The following ACTR10 variants were observed in gnomAD, a reference collection of about 807,000 sequenced individuals.
ACTR10 encodes the protein actin-related protein 10.
Under a neutral mutation model 56.2 loss-of-function variants are expected in ACTR10, and 43 were observed. That is an observed-to-expected ratio of 0.77 (90% confidence interval 0.60 to 0.99). The LOEUF (loss-of-function observed/expected upper bound fraction) is 0.99. Ranked by LOEUF, ACTR10 falls within the 50% of genes least tolerant of loss-of-function variation. The pLI, the probability that ACTR10 is intolerant of heterozygous loss-of-function variation, is 0.00. For missense variants in ACTR10, 466 were observed against 507.8 expected, an observed-to-expected ratio of 0.92 and a Z score of 0.79; for synonymous variants, 170 against 176.3, an observed-to-expected ratio of 0.96 and a Z score of 0.28.
At chr14:58,205,562 G>A (rs1463561502) in intron 2 of ACTR10, among the ~76,000 whole-genome samples, 2 of 152,014 alleles carry the variant, frequency 1.3e-5, no homozygotes, top group Non-Finnish European at 2.9e-5. Context: ...TGATCCGCCC[G>A]CCTTGGCTTC....
chr14:58,206,550 G>A (rs932217755), intron 2 of ACTR10, among the ~76,000 whole-genome samples: 1 of 152,068 alleles, frequency 6.6e-6, no homozygotes, highest in Admixed American at 6.6e-5. Context: ...TATATGGTTT[G>A]GAATCTTCTT....
At chr14:58,204,362 C>T (rs1454548673) in intron 2 of ACTR10, among the ~76,000 whole-genome samples, 5 of 151,764 alleles carry the variant, frequency 3.3e-5, no homozygotes, top group Non-Finnish European at 5.9e-5. Flanking sequence ...CCAGCCTGGG[C>T]GACAGAGCGA....
At chr14:58,228,618 G>A (rs1474317265) in intron 10 of ACTR10, among the ~76,000 whole-genome samples, 2 of 136,076 alleles carry the variant, frequency 1.5e-5, no homozygotes, top group South Asian at 2.5e-4. Flanking sequence ...AAAAAAGTCC[G>A]ACATATTACT....
chr14:58,229,258 G>T (rs1044985738), intron 10 of ACTR10, among the ~76,000 whole-genome samples: 1 of 152,136 alleles, frequency 6.6e-6, no homozygotes, highest in Admixed American at 6.6e-5. Flanking sequence ...GTTGGGAGGG[G>T]AAGGAAATGA....
intron 11 of ACTR10, 125 bp downstream of exon 11, chr14:58,230,605 C>G (rs1301200540): frequency 4.7e-6 from 2 of 424,986 alleles, no homozygotes; most frequent in African/African-American, 2.1e-5. Flanking sequence ...AACAACTAAT[C>G]TGCTTATTAA....
chr14:58,208,790 G>A (rs1439025591), intron 3 of ACTR10, among the ~76,000 whole-genome samples: 1 of 151,962 alleles, frequency 6.6e-6, no homozygotes, highest in Non-Finnish European at 1.5e-5. Context: ...AGGTTTCTGA[G>A]ATAAGTAAGT....
At chr14:58,211,921 C>T (rs989999774) in intron 5 of ACTR10, among the ~76,000 whole-genome samples, 7 of 147,820 alleles carry the variant, frequency 4.7e-5, no homozygotes, top group African/African-American at 1.5e-4. Context: ...GCCTGGGCGA[C>T]AGAGCGAGAC....
intron 5 of ACTR10, among the ~76,000 whole-genome samples, chr14:58,212,163 T>TC: frequency 6.6e-6 from 1 of 152,270 alleles, no homozygotes; most frequent in South Asian, 2.1e-4. Flanking sequence ...GATTATAATA[T>TC]TTCCATCTCA....
intron 10 of ACTR10, among the ~76,000 whole-genome samples, chr14:58,229,295 C>T (rs571930021): frequency 6.6e-6 from 1 of 152,168 alleles, no homozygotes; most frequent in South Asian, 2.1e-4. Flanking sequence ...CACAAACTTG[C>T]AGTTATGAGT....
At chr14:58,213,554 A>C in intron 5 of ACTR10, 77 bp from the exon 6 acceptor site, 1 of 905,316 alleles carries the variant, frequency 1.1e-6, no homozygotes, top group Non-Finnish European at 1.7e-6. Context: ...TTAGAACAGT[A>C]CTGCAGAAGG....
At chr14:58,209,991 G>A (rs1371085199) in intron 4 of ACTR10, among the ~76,000 whole-genome samples, 1 of 152,150 alleles carries the variant, frequency 6.6e-6, no homozygotes, top group African/African-American at 2.4e-5. Context: ...ATAGCCTCCA[G>A]TACCTACTGA....
rs1889623932 is a variant in ACTR10 at position 58,234,448 on chromosome 14, T to C, written c.1151T>C (p.Ile384Thr). 3 of 1,613,710 alleles carry C rather than the reference T, an allele frequency of 1.9e-6. No homozygotes were observed. The East Asian group carries it at 6.7e-5, about 36-fold the overall frequency. The change falls in exon 13 of 13, where the codon ATA becomes ACA. Residue 384 changes from isoleucine (I) to threonine (T), a missense_variant. Physicochemically the swap from Ile to Thr is moderately conservative, Grantham distance 89 (BLOSUM62 -1). Coordinates refer to ENST00000254286, the MANE Select transcript of ACTR10 (RefSeq NM_018477.3). The stretch of plus-strand genomic sequence containing the variant: ...GAATATTATAATCAGACGGGCCGTA[T>C]ACCTGATTGGTGTTCTCTCAATAAC... ...SKEYYNQTGRIPDWCSLNNPP... is the reference protein window; with the variant it reads ...SKEYYNQTGRTPDWCSLNNPP...
At chr14:58,221,163 G>C (rs972580254) in intron 8 of ACTR10, among the ~76,000 whole-genome samples, 1 of 151,520 alleles carries the variant, frequency 6.6e-6, no homozygotes, top group African/African-American at 2.4e-5. Flanking sequence ...CTCGCCTGTA[G>C]TCCCAGCTAC....
chr14:58,210,797 C>G (rs1888974327), intron 4 of ACTR10, among the ~76,000 whole-genome samples: 1 of 151,812 alleles, frequency 6.6e-6, no homozygotes, highest in Non-Finnish European at 1.5e-5. Context: ...GCCTCAGTCT[C>G]CCTTGTAGCT....
chr14:58,222,764 GAAAAAAAAAAAA>G (rs58412717), intron 8 of ACTR10, among the ~76,000 whole-genome samples: 1 of 76,332 alleles, frequency 1.3e-5, no homozygotes, highest in African/African-American at 4.9e-5. Context: ...GACTCTGTCA[GAAAAAAAAAAAA>G]AAAAAAAAAA....
chr14:58,233,016 G>A (rs1286442445), intron 12 of ACTR10, among the ~76,000 whole-genome samples: 1 of 151,622 alleles, frequency 6.6e-6, no homozygotes, highest in Non-Finnish European at 1.5e-5. Flanking sequence ...GATTATAGGC[G>A]CCCGCCACCA....
chr14:58,217,507 A>G (rs1279070923), intron 7 of ACTR10, among the ~76,000 whole-genome samples: 3 of 147,238 alleles, frequency 2.0e-5, no homozygotes, highest in African/African-American at 7.4e-5. Flanking sequence ...GTTTCTACAT[A>G]AAAAAAAAAA....
In ACTR10 at chr14:58,213,652, C is replaced by A. The variant is rs1448462393; in HGVS notation, c.472C>A (p.Leu158Ile). Reference sequence around the variant, plus strand: ...ATAGATATATGAAGGAATCCCAGTTCTAAATTGTTGGGGAGCACTACCCCT... The same window carrying A: ...ATAGATATATGAAGGAATCCCAGTTATAAATTGTTGGGGAGCACTACCCCT... Reference protein sequence around the residue: ...VLPIYEGIPVLNCWGALPLGG... With the variant: ...VLPIYEGIPVINCWGALPLGG... Residue 158 changes from leucine (L) to isoleucine (I), a missense_variant, in exon 6 of 13, where the codon CTA becomes ATA. By Grantham distance (5) the Leu-to-Ile change is conservative (BLOSUM62 2). Coordinates refer to ENST00000254286, the MANE Select transcript of ACTR10 (RefSeq NM_018477.3). 12 of 1,612,152 alleles carry A rather than the reference C, an allele frequency of 7.4e-6. No homozygotes were observed. Among genetic ancestry groups the A allele is most frequent in the Non-Finnish European group, 1.0e-5 (12 of 1,178,738 alleles).
chr14:58,207,442 A>G (rs1259332583), intron 2 of ACTR10, among the ~76,000 whole-genome samples: 1 of 151,940 alleles, frequency 6.6e-6, no homozygotes, highest in African/African-American at 2.4e-5. Flanking sequence ...CTCCTGCCTC[A>G]GTCTCCAGAG....
Sources: allele counts gnomAD v4.1 joint callset (sites outside exome capture counted in the v4.1 genomes callset), GRCh38; gene constraint gnomAD v4.1.1; transcripts MANE v1.5; gene names NCBI Gene and HGNC (gene_info 2026-07-23, HGNC 2026-07-21).